Variants in DOCK1 observed in about 807,000 individuals in gnomAD.
DOCK1 encodes the protein dedicator of cytokinesis protein 1.
A neutral mutation model predicts 262.7 loss-of-function variants in DOCK1; 138 were observed. The ratio of observed to expected loss-of-function variants is 0.53; its 90% CI spans 0.46 to 0.61. The LOEUF is 0.61. DOCK1 is among the 20% of genes least tolerant of loss of function. The pLI is 0.00. For missense variants in DOCK1, 1,908 were observed against 2,370.7 expected (o/e 0.80, Z 4.05); for synonymous variants, 866 against 867.4 (o/e 1.00, Z 0.03).
chr10:127,428,086 C>A (rs1252856816), intron 47 of DOCK1, among the ~76,000 whole-genome samples: 1 of 152,252 alleles, frequency 6.6e-6, no homozygotes, highest in African/African-American at 2.4e-5. Context: ...GCCTGCAACT[C>A]ATTACAGTCA....
At chr10:127,265,035 A>T (rs2060304842) in intron 29 of DOCK1, among the ~76,000 whole-genome samples, 1 of 152,234 alleles carries the variant, frequency 6.6e-6, no homozygotes, top group South Asian at 2.1e-4. Flanking sequence ...TCAGTTGAGA[A>T]TTCAAAATTC....
At position 126,939,612 on chromosome 10, in the gene DOCK1, C is replaced by T. The variant is rs1405126287; in HGVS notation, c.47-31090C>T. Among the ~76,000 whole-genome samples the T allele has an allele frequency of 7.9e-5, 12 of 152,306 alleles. No individual in the cohort carries two copies. The East Asian group carries it at 9.7e-4, about 12-fold the overall frequency. ...CTCACCTCAGGTGATCCTCCTGCCT[C>T]GGCCTCCCAGAGTGCTGGGATTACA... On this transcript the variant is annotated intron_variant, in intron 1 of 51. Transcript: ENST00000623213.
intron 16 of DOCK1, among the ~76,000 whole-genome samples, chr10:127,027,806 G>A (rs1457154903): frequency 6.6e-6 from 1 of 151,978 alleles, no homozygotes; most frequent in Non-Finnish European, 1.5e-5. Context: ...CCTGGACAGG[G>A]GGGCTGCAGG....
At chr10:127,229,163 G>A (rs745756933) in intron 27 of DOCK1, among the ~76,000 whole-genome samples, 2 of 152,168 alleles carry the variant, frequency 1.3e-5, no homozygotes, top group Non-Finnish European at 2.9e-5. Flanking sequence ...GGCAGAGGTT[G>A]CAGTGAGCCG....
chr10:127,326,080 G>A (rs2062736358), intron 29 of DOCK1, among the ~76,000 whole-genome samples: 1 of 152,212 alleles, frequency 6.6e-6, no homozygotes, highest in South Asian at 2.1e-4. Flanking sequence ...TGAGGCTTCA[G>A]CAAATCTAAA....
chr10:127,010,930 TCAAAAA>T (rs10634495), intron 11 of DOCK1, among the ~76,000 whole-genome samples: 81 of 152,004 alleles, frequency 5.3e-4, no homozygotes, highest in African/African-American at 1.5e-3. Flanking sequence ...CTGTGAAAAG[TCAAAAA>T]CAAAAACAAA....
intron 27 of DOCK1, among the ~76,000 whole-genome samples, chr10:127,152,712 C>T (rs575625858): frequency 6.6e-6 from 1 of 152,254 alleles, no homozygotes; most frequent in Non-Finnish European, 1.5e-5. Flanking sequence ...CAACTGAAAA[C>T]GTCTCCTTCC....
Position 126,974,640 on chromosome 10 carries a change from C to G in DOCK1, c.131-3308C>G, listed in dbSNP as rs527499933. ...CCAGGTAATCGTTCCGTTCTGTTCTCTTACTCTCCGGTGCAAAACCTCTGC... is the reference window on the plus strand; with the variant it reads ...CCAGGTAATCGTTCCGTTCTGTTCTGTTACTCTCCGGTGCAAAACCTCTGC... On this transcript the variant is annotated intron_variant, in intron 2 of 51. Transcript: ENST00000623213. Among the ~76,000 whole-genome samples, 10 of 152,290 alleles carry G rather than the reference C, an allele frequency of 6.6e-5. No individual in the cohort carries two copies. In the South Asian group the frequency reaches 2.1e-3, roughly 32 times the overall value.
intron 33 of DOCK1, among the ~76,000 whole-genome samples, chr10:127,367,205 C>CTCG (rs1282360884): frequency 6.6e-6 from 1 of 152,196 alleles, no homozygotes; most frequent in African/African-American, 2.4e-5. Flanking sequence ...TGCTCTTGTG[C>CTCG]TCGTGCTCTT....
intron 29 of DOCK1, among the ~76,000 whole-genome samples, chr10:127,261,790 TG>T (rs2060144663): frequency 7.4e-6 from 1 of 136,010 alleles, no homozygotes. Context: ...TGTACCTGCA[TG>T]TGTGTGCATG....
chr10:127,397,441 G>C (rs56413928), intron 38 of DOCK1, among the ~76,000 whole-genome samples: 5 of 132,538 alleles, frequency 3.8e-5, no homozygotes, highest in African/African-American at 8.5e-5. Flanking sequence ...ATCTGAGCAT[G>C]AGTTACAAGG....
intron 4 of DOCK1, among the ~76,000 whole-genome samples, chr10:126,983,390 T>G (rs1264482842): frequency 6.6e-6 from 1 of 152,148 alleles, no homozygotes; most frequent in African/African-American, 2.4e-5. Context: ...CCTTTCCCCT[T>G]TCTAGTGCCA....
chr10:127,237,173 A>C (rs2059101701), intron 27 of DOCK1, among the ~76,000 whole-genome samples: 1 of 152,076 alleles, frequency 6.6e-6, no homozygotes, highest in African/African-American at 2.4e-5. Flanking sequence ...AGCCTGGCCA[A>C]CATGGGGAAA....
At chr10:127,090,804 A>G (rs2047476174) in intron 23 of DOCK1, among the ~76,000 whole-genome samples, 1 of 152,134 alleles carries the variant, frequency 6.6e-6, no homozygotes, top group Admixed American at 6.5e-5. Context: ...CTCAGGGTTC[A>G]TCCATGTGTT....
At chr10:127,210,803 G>A (rs909876156) in intron 27 of DOCK1, among the ~76,000 whole-genome samples, 5 of 152,056 alleles carry the variant, frequency 3.3e-5, no homozygotes, top group African/African-American at 7.2e-5. Flanking sequence ...CTCTCCCTCC[G>A]CTGCATTGTT....
chr10:127,252,972 A>T lies in DOCK1; in HGVS notation c.2950-4363A>T, dbSNP rs563295562. On this transcript the variant is annotated intron_variant, in intron 28 of 51. Transcript: ENST00000623213. ...TTGGTTGAGTGAGTCATTTTCATAC[A>T]AAATCACACTTACTATCAACACCAG... Among the ~76,000 whole-genome samples, 61 of 152,254 alleles carry T rather than the reference A, an allele frequency of 4.0e-4. No homozygotes were observed. In the Middle Eastern group the frequency reaches 0.01, roughly 25 times the overall value.
chr10:127,338,530 GAAGTCGTAAGC>G (rs2063294727), intron 29 of DOCK1, among the ~76,000 whole-genome samples: 1 of 152,138 alleles, frequency 6.6e-6, no homozygotes, highest in Non-Finnish European at 1.5e-5. Context: ...CAATGATACT[GAAGTCGTAAGC>G]CATGCTTCCA....
At chr10:127,330,077 G>A (rs79718581) in intron 29 of DOCK1, among the ~76,000 whole-genome samples, 299 of 152,182 alleles carry the variant, frequency 2.0e-3, no homozygotes, top group African/African-American at 6.8e-3. Context: ...GTGGCTAATC[G>A]GCTCCAAGCT....
intron 27 of DOCK1, chr10:127,154,061 GT>G: frequency 3.1e-6 from 2 of 641,950 alleles, no homozygotes; most frequent in South Asian, 3.8e-5. Flanking sequence ...ATGCTTCCCA[GT>G]TTGCTCCTGT....
Sources: allele counts gnomAD v4.1 joint callset (sites outside exome capture counted in the v4.1 genomes callset), GRCh38; gene constraint gnomAD v4.1.1; transcripts MANE v1.5; gene names NCBI Gene and HGNC (gene_info 2026-07-23, HGNC 2026-07-21).